GNG7: variants seen among roughly 807,000 people sequenced by gnomAD.
The protein encoded by GNG7 is guanine nucleotide-binding protein G(I)/G(S)/G(O) subunit gamma-7.
Under a neutral mutation model 4.0 loss-of-function variants are expected in GNG7, and 1 was observed. The observed-to-expected ratio is 0.25, with a 90% CI of 0.09 to 1.18. GNG7 has a LOEUF of 1.18. GNG7 is among the 50% of genes most tolerant of loss of function. GNG7 has a pLI of 0.50. For synonymous variants in GNG7, 34 were observed against 36.9 expected (o/e 0.92, Z 0.29); for missense variants, 86 against 91.9 (o/e 0.94, Z 0.26).
At chr19:2,674,670 A>C (rs575885150) in intron 1 of GNG7, among the ~76,000 whole-genome samples, 3 of 152,300 alleles carry the variant, frequency 2.0e-5, no homozygotes, top group Admixed American at 2.0e-4. Context: ...TCCTGACCTC[A>C]GGTGATCCAC....
intron 3 of GNG7, among the ~76,000 whole-genome samples, 188 bp from the exon 4 acceptor site, chr19:2,520,913 G>A (rs758704103): frequency 1.3e-5 from 2 of 152,120 alleles, no homozygotes; most frequent in Non-Finnish European, 2.9e-5. Flanking sequence ...CCTGGCACGC[G>A]GTCAGCCGTC....
chr19:2,583,034 G>C (rs1980548733), intron 2 of GNG7, among the ~76,000 whole-genome samples: 2 of 151,954 alleles, frequency 1.3e-5, no homozygotes, highest in Non-Finnish European at 2.9e-5. Flanking sequence ...TCAAACTCTT[G>C]GGCTTAAGCA....
intron 2 of GNG7, among the ~76,000 whole-genome samples, chr19:2,602,914 T>TTTTC (rs1491015327): frequency 1.4e-4 from 7 of 50,816 alleles, no homozygotes; most frequent in South Asian, 7.7e-4. Flanking sequence ...TCTTTCTTTC[T>TTTTC]TTCTTTCTTT....
At chr19:2,682,095 G>C (rs1337436999) in intron 1 of GNG7, among the ~76,000 whole-genome samples, 1 of 151,896 alleles carries the variant, frequency 6.6e-6, no homozygotes, top group Non-Finnish European at 1.5e-5. Flanking sequence ...TTTTAGCAGA[G>C]ACTGGGTTTC....
chr19:2,630,221 C>T (rs1045773864), intron 2 of GNG7, among the ~76,000 whole-genome samples: 1 of 152,122 alleles, frequency 6.6e-6, no homozygotes, highest in African/African-American at 2.4e-5. Context: ...AGGCCGAACG[C>T]AGGCCCCCCC....
chr19:2,696,283 AG>A (rs1913246391), intron 1 of GNG7, among the ~76,000 whole-genome samples: 7 of 129,354 alleles, frequency 5.4e-5, no homozygotes, highest in Non-Finnish European at 1.1e-4. Flanking sequence ...AGAAAGAAAA[AG>A]AGAGAGAGAG....
intron 1 of GNG7, among the ~76,000 whole-genome samples, chr19:2,688,754 T>G (rs1319167119): frequency 6.6e-6 from 1 of 152,008 alleles, no homozygotes; most frequent in Non-Finnish European, 1.5e-5. Flanking sequence ...TTGAATAAAG[T>G]GTGGAGTTGA....
Position 2,698,008 on chromosome 19 carries a change from T to G in GNG7, c.-135+4638A>C, listed in dbSNP as rs576782064. On this transcript the variant is annotated intron_variant, in intron 1 of 4. Transcript: ENST00000382159. ...CAGGCCGGGTGCGGGGGCTCATGCT[T>G]ATAATCCCAGCACTTTGGGAGGTCG... is the stretch of plus-strand genomic sequence containing the variant. Among the ~76,000 whole-genome samples the G allele has an allele frequency of 6.2e-4, 94 of 151,314 alleles. 2 individuals are homozygous for G. The South Asian group carries it at 8.6e-3, about 14-fold the overall frequency.
chr19:2,667,864 G>A (rs191056888), intron 1 of GNG7, among the ~76,000 whole-genome samples: 7 of 152,228 alleles, frequency 4.6e-5, no homozygotes, highest in East Asian at 3.9e-4. Flanking sequence ...ACAGTGAGCC[G>A]AGATTGCACC....
chr19:2,536,530 G>A (rs1308260115), intron 3 of GNG7, among the ~76,000 whole-genome samples: 2 of 152,156 alleles, frequency 1.3e-5, no homozygotes, highest in Non-Finnish European at 2.9e-5. Context: ...TAAAACAATC[G>A]ATGTTTTGTT....
chr19:2,577,900 C>T (rs943173048), intron 2 of GNG7, among the ~76,000 whole-genome samples: 21 of 148,802 alleles, frequency 1.4e-4, no homozygotes, highest in Admixed American at 3.4e-4. Context: ...AATGCAATGG[C>T]GCAATCACAG....
intron 1 of GNG7, among the ~76,000 whole-genome samples, chr19:2,688,802 C>T (rs1415940571): frequency 6.6e-6 from 1 of 152,108 alleles, no homozygotes; most frequent in South Asian, 2.1e-4. Flanking sequence ...ACAGTGGCTC[C>T]CGTCTGTCCT....
chr19:2,693,018 C>T (rs1442260609), intron 1 of GNG7, among the ~76,000 whole-genome samples: 1 of 151,664 alleles, frequency 6.6e-6, no homozygotes, highest in Non-Finnish European at 1.5e-5. Flanking sequence ...CAGCCAGGCA[C>T]AGTGGTTCAT....
intron 3 of GNG7, among the ~76,000 whole-genome samples, chr19:2,547,335 G>GCC (rs1411198648): frequency 6.6e-6 from 1 of 152,082 alleles, no homozygotes; most frequent in African/African-American, 2.4e-5. Flanking sequence ...GGCAGGGCTG[G>GCC]TCCCTCCTGG....
intron 2 of GNG7, among the ~76,000 whole-genome samples, chr19:2,631,098 G>T (rs1318962523): frequency 6.6e-6 from 1 of 152,172 alleles, no homozygotes; most frequent in African/African-American, 2.4e-5. Context: ...GGCATAGCAG[G>T]CATGAAGACC....
intron 2 of GNG7, among the ~76,000 whole-genome samples, chr19:2,569,262 A>G (rs577585070): frequency 1.7e-5 from 2 of 115,718 alleles, no homozygotes; most frequent in South Asian, 6.3e-4. Context: ...GATCATCTCC[A>G]TTCTCTCTCT....
At position 2,634,808 on chromosome 19, in the gene GNG7, G is replaced by A. The variant is rs1234355395; in HGVS notation, c.-78+11416C>T. On this transcript the variant is annotated intron_variant, in intron 2 of 4. Transcript: ENST00000382159. The surrounding 1 kb of genome is among the most constrained non-coding windows in gnomAD (Gnocchi z 5.3). ...AAATAAACCCGCTCTGACTGGCCGC[G>A]GGGACTGGAGTTTGCTTACCACACA... Among the ~76,000 whole-genome samples the A allele has an allele frequency of 2.0e-5, 3 of 152,036 alleles. No homozygotes were observed. Among genetic ancestry groups the A allele is most frequent in the East Asian group, 3.8e-4 (2 of 5,204 alleles).
At chr19:2,594,916 G>C (rs756165830) in intron 2 of GNG7, 3 of 151,924 alleles carry the variant, frequency 2.0e-5, no homozygotes, top group Non-Finnish European at 4.4e-5. Context: ...ACAGGAGTTT[G>C]AGACCAGCCT....
rs1323578092 is a variant in GNG7 at position 2,629,308 on chromosome 19, A to T, written c.-78+16916T>A. 2.6e-5 allele frequency among the ~76,000 whole-genome samples: 4 copies of T among 152,314 alleles called. No individual in the cohort carries two copies. In the East Asian group the frequency reaches 7.7e-4, roughly 29 times the overall value. On this transcript the variant is annotated intron_variant, in intron 2 of 4. Transcript: ENST00000382159. ...TCAATAACTTTCCACTCTACCAGTC[A>T]TCTCCTCCTTCCAGAAATTCTCAGG...
Sources: gnomAD v4.1 joint callset for allele counts (sites outside exome capture counted in the v4.1 genomes callset) on GRCh38, gnomAD v4.1.1 for gene constraint, Gnocchi (gnomAD v3.1) non-coding constraint, MANE v1.5 for transcripts, NCBI Gene and HGNC (gene_info 2026-07-23, HGNC 2026-07-21) for gene names.